The following KANSL1 variants were observed in gnomAD, a reference collection of about 807,000 sequenced individuals.
KANSL1 encodes KAT8 regulatory NSL complex subunit 1.
Under a neutral mutation model 103.6 loss-of-function variants are expected in KANSL1, and 22 were observed. The observed-to-expected ratio is 0.21, with a 90% CI of 0.15 to 0.30. KANSL1 has a LOEUF of 0.30. Ranked by LOEUF, KANSL1 falls within the 10% of genes least tolerant of loss-of-function variation. The probability of loss-of-function intolerance (pLI) is 1.00; values close to 1 mark genes in which losing one functional copy is unlikely to be tolerated. For synonymous variants in KANSL1, 600 were observed against 527.6 expected (o/e 1.14, Z -1.88); for missense variants, 1,337 against 1,399.8 (o/e 0.96, Z 0.72).
intron 4 of KANSL1, among the ~76,000 whole-genome samples, chr17:46,071,603 T>G (rs577350364): frequency 6.6e-6 from 1 of 152,304 alleles, no homozygotes. Context: ...AACAAACACT[T>G]AAGAAATATT....
intron 2 of KANSL1, among the ~76,000 whole-genome samples, chr17:46,164,994 T>C (rs544036656): frequency 1.3e-5 from 2 of 152,262 alleles, no homozygotes; most frequent in Admixed American, 6.5e-5. Context: ...GTAGTCCCAG[T>C]TACTCCTGAG....
At chr17:46,047,695 G>C (rs948165692) in intron 7 of KANSL1, among the ~76,000 whole-genome samples, 13 of 151,702 alleles carry the variant, frequency 8.6e-5, no homozygotes, top group Non-Finnish European at 1.8e-4. Context: ...GCTGAAGTGG[G>C]AGGACTGTTT....
In KANSL1 at chr17:46,032,167, C is replaced by G. The variant is rs1490889923; in HGVS notation, c.2970G>C (p.Arg990Ser). 6.2e-7 allele frequency: 1 copy of G among 1,613,516 alleles called. No individual in the cohort carries two copies. Among genetic ancestry groups the G allele is most frequent in the Non-Finnish European group, 8.5e-7 (1 of 1,179,780 alleles). ...AGTGCAGTTCCGGGCTAATGGGGCT[C>G]CTAGGGGACTGACCATGGGAGTATT... Reference protein sequence around the residue: ...LSEYSHGQSPRSPISPELHSA... With the variant: ...LSEYSHGQSPSSPISPELHSA... The change falls in exon 14 of 15, where the codon AGG becomes AGC. Residue 990 changes from arginine (R) to serine (S), a missense_variant. Physicochemically the swap from Arg to Ser is moderately radical, Grantham distance 110. Coordinates refer to ENST00000432791, the MANE Select transcript of KANSL1 (RefSeq NM_015443.4).
intron 1 of KANSL1, among the ~76,000 whole-genome samples, chr17:46,219,944 A>C (rs1431633904): frequency 6.6e-6 from 1 of 152,000 alleles, no homozygotes; most frequent in Non-Finnish European, 1.5e-5. Flanking sequence ...TCTACTAAAA[A>C]TACAAAAAAT....
At chr17:46,115,329 G>A (rs1199630015) in intron 2 of KANSL1, among the ~76,000 whole-genome samples, 3 of 152,064 alleles carry the variant, frequency 2.0e-5, no homozygotes, top group Non-Finnish European at 4.4e-5. Flanking sequence ...CATAGTACTG[G>A]GACTACAGAC....
chr17:46,205,680 CAAA>C (rs56154541), intron 1 of KANSL1, among the ~76,000 whole-genome samples: 9 of 93,094 alleles, frequency 9.7e-5, no homozygotes, highest in Non-Finnish European at 1.0e-4. Context: ...GACACTGTCT[CAAA>C]AAAAAAAAAA....
chr17:46,102,353 G>A (rs1472538098), intron 2 of KANSL1, among the ~76,000 whole-genome samples: 1 of 152,174 alleles, frequency 6.6e-6, no homozygotes, highest in African/African-American at 2.4e-5. Flanking sequence ...GGGTTCAAGT[G>A]ATTTTCCTGC....
chr17:46,107,453 CAAAGGT>C (rs71833723), intron 2 of KANSL1, among the ~76,000 whole-genome samples: 21,449 of 151,890 alleles, frequency 0.14, 2,082 homozygotes, highest in Non-Finnish European at 0.22. Context: ...CAGTATCCAA[CAAAGGT>C]GAGTACTCCC....
intron 4 of KANSL1, among the ~76,000 whole-genome samples, chr17:46,079,276 T>C (rs2078899961): frequency 6.6e-6 from 1 of 152,226 alleles, no homozygotes; most frequent in Non-Finnish European, 1.5e-5. Context: ...CAAGCAGATA[T>C]ATACTGGTTC....
At chr17:46,144,188 C>T (rs895173218) in intron 2 of KANSL1, among the ~76,000 whole-genome samples, 1 of 152,226 alleles carries the variant, frequency 6.6e-6, no homozygotes, top group Non-Finnish European at 1.5e-5. Context: ...CTAAGTCCTG[C>T]ATAGTTTAAA....
intron 2 of KANSL1, among the ~76,000 whole-genome samples, chr17:46,160,937 T>C (rs993261498): frequency 2.6e-5 from 4 of 152,208 alleles, no homozygotes; most frequent in African/African-American, 7.2e-5. Flanking sequence ...AAACTTTCCA[T>C]TCTGCAGTTT....
Position 46,170,688 on chromosome 17 carries a change from T to TC in KANSL1, c.1289+166dup, listed in dbSNP as rs1157433596. ...CCCTACAGCAAAAGTATCTTCCCCT[T>TC]CTTCACTAGCATGTATATGCACTCA... On this transcript the variant is annotated intron_variant, in intron 2 of 14. Coordinates refer to ENST00000432791, the MANE Select transcript of KANSL1 (RefSeq NM_015443.4). The TC allele has an allele frequency of 5.5e-6, 4 of 731,426 alleles. No individual in the cohort carries two copies. In the Admixed American group the frequency reaches 1.1e-4, roughly 20 times the overall value. The allele number at this position is 731,426 out of a possible 1,614,324, so 45.3% of individuals were successfully genotyped here.
intron 4 of KANSL1, among the ~76,000 whole-genome samples, chr17:46,075,081 G>A (rs62060836): frequency 0.14 from 21,807 of 152,096 alleles, 2,138 homozygotes; most frequent in Non-Finnish European, 0.22. Flanking sequence ...TACAAAAACT[G>A]AGAACTCTCA....
At chr17:46,123,374 C>T (rs2043371447) in intron 2 of KANSL1, among the ~76,000 whole-genome samples, 1 of 152,014 alleles carries the variant, frequency 6.6e-6, no homozygotes, top group Non-Finnish European at 1.5e-5. Flanking sequence ...GAGACTCCAT[C>T]TCAAAAAAGA....
chr17:46,152,430 T>C (rs2045160947), intron 2 of KANSL1, among the ~76,000 whole-genome samples: 1 of 152,242 alleles, frequency 6.6e-6, no homozygotes, highest in Non-Finnish European at 1.5e-5. Context: ...GAATCAGCTA[T>C]ATTACAACTA....
At chr17:46,167,527 CA>C (rs1437475530) in intron 2 of KANSL1, among the ~76,000 whole-genome samples, 4 of 152,172 alleles carry the variant, frequency 2.6e-5, no homozygotes, top group African/African-American at 9.7e-5. Flanking sequence ...ATATCAAACA[CA>C]ACGTACTGCA....
At chr17:46,080,312 T>TAAAAAAA (rs35520207) in intron 4 of KANSL1, among the ~76,000 whole-genome samples, 3 of 77,780 alleles carry the variant, frequency 3.9e-5, no homozygotes, top group African/African-American at 8.9e-5. Context: ...GAGCCTGTCT[T>TAAAAAAA]AAAAAAAAAA....
intron 4 of KANSL1, among the ~76,000 whole-genome samples, chr17:46,075,189 CAAAT>C (rs927433563): frequency 3.3e-5 from 5 of 152,172 alleles, no homozygotes; most frequent in Admixed American, 1.3e-4. Context: ...TACAGAAATT[CAAAT>C]AAAGTATGTC....
intron 2 of KANSL1, among the ~76,000 whole-genome samples, chr17:46,155,138 A>G (rs1597822371): frequency 2.6e-5 from 4 of 151,478 alleles, no homozygotes; most frequent in African/African-American, 9.7e-5. Flanking sequence ...CCCTAATCCA[A>G]TAGTTCTCAG....
Sources: allele counts gnomAD v4.1 joint callset (sites outside exome capture counted in the v4.1 genomes callset), GRCh38; gene constraint gnomAD v4.1.1; transcripts MANE v1.5; gene names NCBI Gene and HGNC (gene_info 2026-07-23, HGNC 2026-07-21).